UGT2B17: variants seen among roughly 807,000 people sequenced by gnomAD.
UGT2B17 encodes the protein UDP glucuronosyltransferase family 2 member B17, also known as UDP-glucuronosyltransferase 2B17.
In UGT2B17, 21 loss-of-function variants were observed where a neutral mutation model predicts 48.2. That is an observed-to-expected ratio of 0.44 (90% CI 0.31 to 0.63). The LOEUF is 0.63. UGT2B17 is among the 20% of genes least tolerant of loss of function. The probability of loss-of-function intolerance (pLI) is 0.08; values close to 1 mark genes in which losing one functional copy is unlikely to be tolerated. For missense variants in UGT2B17, 402 were observed against 696.1 expected (o/e 0.58, Z 4.75); for synonymous variants, 146 against 238.4 (o/e 0.61, Z 3.57).
At chr4:68,547,043 C>T (rs1374116335) in intron 6 of UGT2B17, among the ~76,000 whole-genome samples, 2 of 106,934 alleles carry the variant, frequency 1.9e-5, no homozygotes, top group Non-Finnish European at 3.9e-5. Flanking sequence ...ATCAAGCTAC[C>T]AATGACTTTC....
chr4:68,554,333 G>T (rs1467953821), intron 4 of UGT2B17, among the ~76,000 whole-genome samples: 2 of 126,214 alleles, frequency 1.6e-5, no homozygotes, highest in African/African-American at 5.4e-5. Context: ...CCTCTACTTG[G>T]CAGAGTTTAT....
chr4:68,548,573 A>T (rs182896805), intron 6 of UGT2B17, among the ~76,000 whole-genome samples: 1 of 125,418 alleles, frequency 8.0e-6, no homozygotes, highest in Non-Finnish European at 1.7e-5. Context: ...CTTAAAGTAT[A>T]ATAAAAAAAA....
rs568456714 is a variant in UGT2B17, at chr4:68,565,279, C to G, written c.873+293G>C. Among the ~76,000 whole-genome samples the G allele has an allele frequency of 6.3e-4, 80 of 126,402 alleles. 21 individuals carry two copies. Among genetic ancestry groups the G allele is most frequent in the Non-Finnish European group, 6.5e-4 (39 of 59,722 alleles). The allele number at this position is 126,402 out of a possible 152,430, so 82.9% of individuals were successfully genotyped here. On this transcript the variant is annotated intron_variant, in intron 3 of 6. Coordinates refer to ENST00000317746, the MANE Select transcript of UGT2B17 (RefSeq NM_001077.4). ...ACTTACCTGTGGTTTGCATTAATCA[C>G]TCTACAAATATTTTTTGAAGAAATG...
chr4:68,565,216 G>A lies in UGT2B17; in HGVS notation c.873+356C>T, dbSNP rs181299080. 1.4e-3 allele frequency among the ~76,000 whole-genome samples: 177 copies of A among 125,730 alleles called. 28 individuals are homozygous for A. Among genetic ancestry groups the A allele is most frequent in the African/African-American group, 4.5e-3 (165 of 36,814 alleles). The allele number at this position is 125,730 out of a possible 152,430, so 82.5% of individuals were successfully genotyped here. On this transcript the variant is annotated intron_variant, in intron 3 of 6. Transcript: ENST00000317746. Reference sequence around the variant, plus strand: ...AAAGTACAATGTTAGGCATGAGGGCGCAGAAACTGTGCTACCTTTATTCTC... The same window carrying A: ...AAAGTACAATGTTAGGCATGAGGGCACAGAAACTGTGCTACCTTTATTCTC...
rs1184873424 is a variant in UGT2B17, at chr4:68,555,841, G to A, written c.1006-3930C>T. Among the ~76,000 whole-genome samples the A allele has an allele frequency of 1.6e-5, 2 of 123,074 alleles. 1 individual carries two copies. 80.7% of individuals were successfully genotyped at this position (123,074 alleles called of 152,430 possible). ...GTGAAGAAGTGTTGTCTAATTCAAA[G>A]CTTATTTAAAGGTTATGTATAAAAC... On this transcript the variant is annotated intron_variant, in intron 4 of 6. Coordinates refer to ENST00000317746, the MANE Select transcript of UGT2B17 (RefSeq NM_001077.4).
Position 68,571,191 on chromosome 4 carries a change from T to C in UGT2B17, c.-64-2643A>G, listed in dbSNP as rs1229770329. On this transcript the variant is annotated intron_variant, in intron 1 of 6. Coordinates refer to ENST00000317746, the MANE Select transcript of UGT2B17 (RefSeq NM_001077.4). ...GCGGGTCCATAGTATTGTATGATTT[T>C]TTTCAGGGGGCTATTTATCATCTTT... is the stretch of plus-strand genomic sequence containing the variant. 2.4e-5 allele frequency among the ~76,000 whole-genome samples: 3 copies of C among 125,864 alleles called. 1 individual carries two copies. The highest frequency in any genetic ancestry group is 5.0e-5 in the Non-Finnish European group (3 of 59,462). The allele number at this position is 125,864 out of a possible 152,430, so 82.6% of individuals were successfully genotyped here. A position where few individuals can be genotyped will look rare whatever the true frequency, so the allele number is the denominator to read the frequency against.
chr4:68,542,860 A>T (rs1308206210), intron 6 of UGT2B17, among the ~76,000 whole-genome samples: 1 of 126,988 alleles, frequency 7.9e-6, no homozygotes, highest in Non-Finnish European at 1.7e-5. Context: ...CAGCAGTCTG[A>T]GATCGAACTG....
rs894304150 is a variant in UGT2B17 at position 68,564,852 on chromosome 4, C to T, written c.873+720G>A. 4.0e-5 allele frequency among the ~76,000 whole-genome samples: 5 copies of T among 124,770 alleles called. 2 individuals are homozygous for T. Among genetic ancestry groups the T allele is most frequent in the African/African-American group, 1.4e-4 (5 of 36,470 alleles). The allele number at this position is 124,770 out of a possible 152,430, so 81.9% of individuals were successfully genotyped here. The stretch of plus-strand genomic sequence containing the variant: ...GTAGCTGGGACTATGAGACTACAGG[C>T]ACACACCAGCATGCCTGGCTATTAT... On this transcript the variant is annotated intron_variant, in intron 3 of 6. Transcript: ENST00000317746.
Position 68,554,981 on chromosome 4 carries a change from C to T in UGT2B17, c.1006-3070G>A, listed in dbSNP as rs1344314928. ...TTATTACTGAAAATATATAAAAGAG[C>T]TCTAATTAATTGGCTTAAGAAAATA... On this transcript the variant is annotated intron_variant, in intron 4 of 6. Coordinates refer to ENST00000317746, the MANE Select transcript of UGT2B17 (RefSeq NM_001077.4). Among the ~76,000 whole-genome samples, 2 of 124,956 alleles carry T rather than the reference C, an allele frequency of 1.6e-5. 1 individual carries two copies. The highest frequency in any genetic ancestry group is 1.7e-4 in the Admixed American group (2 of 12,082). 82.0% of individuals were successfully genotyped at this position (124,956 alleles called of 152,430 possible). A position where few individuals can be genotyped will look rare whatever the true frequency, so the allele number is the denominator to read the frequency against.
intron 4 of UGT2B17, among the ~76,000 whole-genome samples, chr4:68,559,969 C>T (rs1345645548): frequency 7.7e-6 from 1 of 129,322 alleles, no homozygotes; most frequent in African/African-American, 2.7e-5. Context: ...ACCTCCAGAG[C>T]AGTGGCTAGT....
chr4:68,567,647 A>T lies in UGT2B17; in HGVS notation c.724+114T>A. 2.5e-6 allele frequency: 2 copies of T among 807,694 alleles called. 1 individual carries two copies. The highest frequency in any genetic ancestry group is 3.4e-6 in the Non-Finnish European group (2 of 590,744). The allele number at this position is 807,694 out of a possible 1,614,324, so 50.0% of individuals were successfully genotyped here. On this transcript the variant is annotated intron_variant, in intron 2 of 6. Transcript: ENST00000317746. ...GACTCATAGATCATCTTACATTTGCAATTCATAATTTCCCATAAAAACACT... is the reference window on the plus strand; with the variant it reads ...GACTCATAGATCATCTTACATTTGCTATTCATAATTTCCCATAAAAACACT...
At position 68,569,883 on chromosome 4, in the gene UGT2B17, C is replaced by T. The variant is rs1286553468; in HGVS notation, c.-64-1335G>A. On this transcript the variant is annotated intron_variant, in intron 1 of 6. Coordinates refer to ENST00000317746, the MANE Select transcript of UGT2B17 (RefSeq NM_001077.4). The stretch of plus-strand genomic sequence containing the variant: ...CACTCATTAAAACAGCACGCTGCTC[C>T]GCACTGCCTCGTGTTGTCTGTTGGC... 4.7e-5 allele frequency among the ~76,000 whole-genome samples: 6 copies of T among 126,500 alleles called. 2 individuals are homozygous for T. The highest frequency in any genetic ancestry group is 2.4e-4 in the Admixed American group (3 of 12,468). 83.0% of individuals were successfully genotyped at this position (126,500 alleles called of 152,430 possible).
chr4:68,568,171 G>A lies in UGT2B17; in HGVS notation c.314C>T (p.Thr105Ile), dbSNP rs1427213772. 10 of 1,379,318 alleles carry A rather than the reference G, an allele frequency of 7.2e-6. 3 individuals are homozygous for A. Among genetic ancestry groups the A allele is most frequent in the South Asian group, 3.2e-5 (2 of 61,902 alleles). The allele number at this position is 1,379,318 out of a possible 1,614,324, so 85.4% of individuals were successfully genotyped here. ...DRWTYSISKN[T>I]FWSYFSQLQE... Reference sequence around the variant, plus strand: ...TAGTTGTGAAAAATATGACCAAAATGTATTTTTTGAAATACTATATGTCCA... The same window carrying A: ...TAGTTGTGAAAAATATGACCAAAATATATTTTTTGAAATACTATATGTCCA... Residue 105 changes from threonine to isoleucine, a missense_variant, in exon 2 of 7, where the codon ACA becomes ATA. Coordinates refer to ENST00000317746, the MANE Select transcript of UGT2B17 (RefSeq NM_001077.4).
At chr4:68,542,893 G>A (rs1396332292) in intron 6 of UGT2B17, among the ~76,000 whole-genome samples, 1 of 126,900 alleles carries the variant, frequency 7.9e-6, no homozygotes, top group Non-Finnish European at 1.7e-5. Context: ...GAGACTGGGG[G>A]AGGGGCGCCT....
Position 68,565,996 on chromosome 4 carries a change from T to C in UGT2B17, c.725-276A>G, listed in dbSNP as rs1478748196. 5.9e-5 allele frequency among the ~76,000 whole-genome samples: 7 copies of C among 118,538 alleles called. 2 individuals carry two copies. Among genetic ancestry groups the C allele is most frequent in the South Asian group, 3.8e-4 (1 of 2,628 alleles). The allele number at this position is 118,538 out of a possible 152,430, so 77.8% of individuals were successfully genotyped here. A position where few individuals can be genotyped will look rare whatever the true frequency, so the allele number is the denominator to read the frequency against. ...GTTAATATATTTTAATTTAATAGTA[T>C]TTAATTTTTAATTTTTAATATTTAA... On this transcript the variant is annotated intron_variant, in intron 2 of 6. Transcript: ENST00000317746.
In UGT2B17 at chr4:68,556,821, T is replaced by A. The variant is rs796909677; in HGVS notation, c.1005+3716A>T. Among the ~76,000 whole-genome samples, 19 of 125,698 alleles carry A rather than the reference T, an allele frequency of 1.5e-4. 2 individuals are homozygous for A. Among genetic ancestry groups the A allele is most frequent in the African/African-American group, 4.3e-4 (16 of 37,184 alleles). 82.5% of individuals were successfully genotyped at this position (125,698 alleles called of 152,430 possible). A position where few individuals can be genotyped will look rare whatever the true frequency, so the allele number is the denominator to read the frequency against. ...CTCTCAAAGAATGAAGATTTTTGCC[T>A]TTTTTTGAAATCCTTGAGTTACTAC... On this transcript the variant is annotated intron_variant, in intron 4 of 6. Coordinates refer to ENST00000317746, the MANE Select transcript of UGT2B17 (RefSeq NM_001077.4).
rs1352545154 is a variant in UGT2B17 at position 68,553,624 on chromosome 4, T to C, written c.1006-1713A>G. On this transcript the variant is annotated intron_variant, in intron 4 of 6. Coordinates refer to ENST00000317746, the MANE Select transcript of UGT2B17 (RefSeq NM_001077.4). ...CTTGTACTGTGAGAGGATTTTACCTTGGCGTGTGTAATGGCAGACGAGTTA... is the reference window on the plus strand; with the variant it reads ...CTTGTACTGTGAGAGGATTTTACCTCGGCGTGTGTAATGGCAGACGAGTTA... Among the ~76,000 whole-genome samples the C allele has an allele frequency of 4.0e-5, 5 of 125,820 alleles. 1 individual carries two copies. The highest frequency in any genetic ancestry group is 1.4e-4 in the African/African-American group (5 of 36,946). 82.5% of individuals were successfully genotyped at this position (125,820 alleles called of 152,430 possible). A position where few individuals can be genotyped will look rare whatever the true frequency, so the allele number is the denominator to read the frequency against.
rs761469191 is a variant in UGT2B17 at position 68,557,264 on chromosome 4, A to T, written c.1005+3273T>A. 6.4e-5 allele frequency among the ~76,000 whole-genome samples: 8 copies of T among 125,270 alleles called. 2 individuals are homozygous for T. Among genetic ancestry groups the T allele is most frequent in the Non-Finnish European group, 1.0e-4 (6 of 59,130 alleles). 82.2% of individuals were successfully genotyped at this position (125,270 alleles called of 152,430 possible). ...CTAAAACTTTTTGTCATCCACAGACAATTGTTGTCTGACTTTGGTCCTCTT... is the reference window on the plus strand; with the variant it reads ...CTAAAACTTTTTGTCATCCACAGACTATTGTTGTCTGACTTTGGTCCTCTT... On this transcript the variant is annotated intron_variant, in intron 4 of 6. Transcript: ENST00000317746.
At chr4:68,569,032 T>C (rs1442138213) in intron 1 of UGT2B17, among the ~76,000 whole-genome samples, 1 of 135,166 alleles carries the variant, frequency 7.4e-6, no homozygotes, top group Non-Finnish European at 1.6e-5. Context: ...CAACCACTAA[T>C]CTAATTTCTA....
Sources: gnomAD v4.1 joint callset for allele counts (sites outside exome capture counted in the v4.1 genomes callset) on GRCh38, gnomAD v4.1.1 for gene constraint, MANE v1.5 for transcripts, NCBI Gene and HGNC (gene_info 2026-07-23, HGNC 2026-07-21) for gene names.